PARD3: variants seen among roughly 807,000 people sequenced by gnomAD.
PARD3 encodes partitioning defective 3 homolog.
Under a neutral mutation model 155.4 loss-of-function variants are expected in PARD3, and 75 were observed. The observed-to-expected ratio is 0.48, with a 90% CI of 0.40 to 0.58. PARD3 has a LOEUF of 0.58. Among genes scored for constraint, PARD3 ranks in the 20% least tolerant of loss-of-function variants. The pLI, the probability that PARD3 is intolerant of heterozygous loss-of-function variation, is 0.00. For missense variants in PARD3, 1,642 were observed against 1,721.7 expected, an observed-to-expected ratio of 0.95 and a Z score of 0.82; for synonymous variants, 576 against 610.5, an observed-to-expected ratio of 0.94 and a Z score of 0.83.
chr10:34,445,673 C>T (rs1397317836), intron 5 of PARD3, among the ~76,000 whole-genome samples: 1 of 151,912 alleles, frequency 6.6e-6, no homozygotes, highest in African/African-American at 2.4e-5. Context: ...TCCTTAAAAA[C>T]AGGTCTACAA....
chr10:34,789,746 CACAA>C (rs10535420), intron 1 of PARD3, among the ~76,000 whole-genome samples: 53,369 of 151,628 alleles, frequency 0.35, 10,497 homozygotes, highest in African/African-American at 0.55. Flanking sequence ...TTTATATATA[CACAA>C]ACAAACAGAA....
intron 1 of PARD3, among the ~76,000 whole-genome samples, chr10:34,719,874 G>C (rs1304690311): frequency 6.6e-6 from 1 of 152,156 alleles, no homozygotes; most frequent in Non-Finnish European, 1.5e-5. Flanking sequence ...TGAAAATCTA[G>C]GATGACAAAC....
intron 2 of PARD3, among the ~76,000 whole-genome samples, chr10:34,594,003 C>T (rs751270646): frequency 1.1e-4 from 17 of 152,274 alleles, no homozygotes; most frequent in African/African-American, 2.6e-4. Flanking sequence ...CAAGACTCTG[C>T]GACTCAGCTG....
intron 2 of PARD3, among the ~76,000 whole-genome samples, chr10:34,564,582 A>T (rs186014778): frequency 1.2e-4 from 18 of 152,364 alleles, no homozygotes; most frequent in African/African-American, 4.3e-4. Context: ...GATTCGGAAA[A>T]GAGCTAGCGA....
intron 22 of PARD3, among the ~76,000 whole-genome samples, chr10:34,198,844 C>T (rs997177015): frequency 3.3e-5 from 5 of 152,138 alleles, no homozygotes; most frequent in African/African-American, 9.7e-5. Context: ...GACTGTGTCA[C>T]GATGGGTGAT....
chr10:34,412,893 A>C (rs1365793974), intron 5 of PARD3, among the ~76,000 whole-genome samples: 2 of 152,194 alleles, frequency 1.3e-5, no homozygotes, highest in Non-Finnish European at 2.9e-5. Flanking sequence ...ACATAGGCCA[A>C]ATAAGAAATA....
At chr10:34,166,463 T>A (rs998133143) in intron 22 of PARD3, among the ~76,000 whole-genome samples, 5 of 152,008 alleles carry the variant, frequency 3.3e-5, no homozygotes, top group Admixed American at 1.3e-4. Context: ...AAATATATAT[T>A]TTTTAATTAG....
chr10:34,479,145 A>G (rs1306852979), intron 3 of PARD3, among the ~76,000 whole-genome samples: 1 of 150,660 alleles, frequency 6.6e-6, no homozygotes, highest in Non-Finnish European at 1.5e-5. Context: ...AGATTCTATG[A>G]TTAGCTCAAA....
rs2076988766 is a variant in PARD3 at position 34,450,298 on chromosome 10, T to A, written c.714+19A>T. The A allele has an allele frequency of 1.9e-6, 3 of 1,609,488 alleles. No homozygotes were observed. Among genetic ancestry groups the A allele is most frequent in the Non-Finnish European group, 2.5e-6 (3 of 1,178,162 alleles). ...GGATGTTACAGCAATGACGCACATA[T>A]AAGGATTTGTCATGTTACCTGTTCT... On this transcript the variant is annotated intron_variant, in intron 5 of 24. Transcript: ENST00000374788.
In PARD3 at chr10:34,331,068, A is replaced by T. The variant is rs567848416; in HGVS notation, c.2833+49T>A. On this transcript the variant is annotated intron_variant, in intron 19 of 24. Coordinates refer to ENST00000374788, the MANE Select transcript of PARD3 (RefSeq NM_001184785.2). ...AGGGCTCCCTGGAGCTCACTTTAAGAAATAGAGTCTAATTTTAATTATTAT... is the reference window on the plus strand; with the variant it reads ...AGGGCTCCCTGGAGCTCACTTTAAGTAATAGAGTCTAATTTTAATTATTAT... 3.4e-6 allele frequency: 5 copies of T among 1,472,500 alleles called. No individual in the cohort carries two copies. In the South Asian group the frequency reaches 5.7e-5, roughly 17 times the overall value. 91.2% of individuals were successfully genotyped at this position (1,472,500 alleles called of 1,614,324 possible). A position where few individuals can be genotyped will look rare whatever the true frequency, so the allele number is the denominator to read the frequency against.
intron 3 of PARD3, chr10:34,488,511 TG>T (rs1040273832): frequency 6.6e-6 from 1 of 151,898 alleles, no homozygotes; most frequent in African/African-American, 2.4e-5. Flanking sequence ...CTTTTTTTTT[TG>T]CCCCCGACAT....
rs116612185 is a variant in PARD3, at chr10:34,601,853, G to A, written c.223-84694C>T. Among the ~76,000 whole-genome samples, 496 of 152,280 alleles carry A rather than the reference G, an allele frequency of 3.3e-3. 3 individuals are homozygous for A. Among genetic ancestry groups the A allele is most frequent in the African/African-American group, 0.01 (433 of 41,552 alleles). On this transcript the variant is annotated intron_variant, in intron 2 of 24. Transcript: ENST00000374788. ...TGTGTGCTTAAAATTTTCAGCTATG[G>A]AGACATCATTTGAAACTCACTAGTT...
intron 2 of PARD3, among the ~76,000 whole-genome samples, chr10:34,540,526 G>A (rs968710780): frequency 1.6e-4 from 25 of 152,168 alleles, no homozygotes; most frequent in African/African-American, 2.4e-4. Flanking sequence ...AGGCTGAGCT[G>A]CCCGCTCAGC....
intron 15 of PARD3, chr10:34,344,724 T>C (rs1362861541): frequency 1.0e-6 from 1 of 985,338 alleles, no homozygotes; most frequent in Non-Finnish European, 1.2e-6. Context: ...ACAAAATCCA[T>C]GATTGTGGAA....
intron 1 of PARD3, among the ~76,000 whole-genome samples, chr10:34,802,249 T>C (rs1431858925): frequency 1.3e-5 from 2 of 151,500 alleles, no homozygotes; most frequent in Non-Finnish European, 2.9e-5. Flanking sequence ...AAATGATGCA[T>C]ACATACTAAC....
intron 3 of PARD3, among the ~76,000 whole-genome samples, chr10:34,478,100 A>C (rs2078830137): frequency 6.6e-6 from 1 of 152,240 alleles, no homozygotes; most frequent in South Asian, 2.1e-4. Context: ...AAGCTTTGAA[A>C]AGCAACAAAT....
At chr10:34,785,240 T>C (rs1178595025) in intron 1 of PARD3, among the ~76,000 whole-genome samples, 1 of 152,254 alleles carries the variant, frequency 6.6e-6, no homozygotes, top group East Asian at 1.9e-4. Context: ...GATATAACTT[T>C]ATCTTTTAAA....
At chr10:34,636,012 CT>C (rs1564444446) in intron 2 of PARD3, among the ~76,000 whole-genome samples, 1 of 147,328 alleles carries the variant, frequency 6.8e-6, no homozygotes, top group Non-Finnish European at 1.5e-5. Flanking sequence ...AGTAACTTTT[CT>C]TCTATTAAAA....
At position 34,200,433 on chromosome 10, in the gene PARD3, A is replaced by G. The variant is rs1327229338; in HGVS notation, c.3420-68850T>C. Among the ~76,000 whole-genome samples, 3 of 152,320 alleles carry G rather than the reference A, an allele frequency of 2.0e-5. No homozygotes were observed. The East Asian group carries it at 5.8e-4, about 29-fold the overall frequency. Reference sequence around the variant, plus strand: ...TTTTGCCAAAGACTGAAGAGTTAACAAACCCGCAGGAGAGGCAAGAAATGC... The same window carrying G: ...TTTTGCCAAAGACTGAAGAGTTAACGAACCCGCAGGAGAGGCAAGAAATGC... On this transcript the variant is annotated intron_variant, in intron 22 of 24. Coordinates refer to ENST00000374788, the MANE Select transcript of PARD3 (RefSeq NM_001184785.2).
Sources: allele counts gnomAD v4.1 joint callset (sites outside exome capture counted in the v4.1 genomes callset), GRCh38; gene constraint gnomAD v4.1.1; transcripts MANE v1.5; gene names NCBI Gene and HGNC (gene_info 2026-07-23, HGNC 2026-07-21).